CCDC148: variants seen among roughly 807,000 people sequenced by gnomAD.
CCDC148 encodes the protein coiled-coil domain-containing protein 148.
A neutral mutation model predicts 85.7 loss-of-function variants in CCDC148; 89 were observed. The ratio of observed to expected loss-of-function variants is 1.04; its 90% CI spans 0.87 to 1.24. The LOEUF (loss-of-function observed/expected upper bound fraction) is 1.24. Ranked by LOEUF, CCDC148 falls within the 50% of genes most tolerant of loss-of-function variation. The probability of loss-of-function intolerance (pLI) is 0.00; values close to 1 mark genes in which losing one functional copy is unlikely to be tolerated. For missense variants in CCDC148, 692 were observed against 671.7 expected, an observed-to-expected ratio of 1.03 and a Z score of -0.33; for synonymous variants, 230 against 213.9, an observed-to-expected ratio of 1.08 and a Z score of -0.66.
chr2:158,285,412 A>G (rs1690573267), intron 9 of CCDC148, among the ~76,000 whole-genome samples: 1 of 152,162 alleles, frequency 6.6e-6, no homozygotes, highest in Admixed American at 6.5e-5. Flanking sequence ...ATGAAATAGG[A>G]AATAGAAAAA....
At chr2:158,449,405 T>G (rs1015166832) in intron 1 of CCDC148, among the ~76,000 whole-genome samples, 1 of 151,840 alleles carries the variant, frequency 6.6e-6, no homozygotes, top group South Asian at 2.1e-4. Context: ...TATTTTATTC[T>G]CCCATCCAAG....
intron 11 of CCDC148, among the ~76,000 whole-genome samples, chr2:158,181,236 T>C (rs140765426): frequency 6.6e-6 from 1 of 152,302 alleles, no homozygotes; most frequent in Non-Finnish European, 1.5e-5. Flanking sequence ...AAAGTAATAG[T>C]TGTTACAGTC....
intron 11 of CCDC148, among the ~76,000 whole-genome samples, chr2:158,203,373 C>A (rs1380057633): frequency 6.6e-6 from 1 of 152,130 alleles, no homozygotes; most frequent in Non-Finnish European, 1.5e-5. Flanking sequence ...TATCCTTTAA[C>A]AATACTGCCA....
intron 1 of CCDC148, among the ~76,000 whole-genome samples, chr2:158,423,787 G>A (rs1411311184): frequency 2.0e-5 from 3 of 152,132 alleles, no homozygotes; most frequent in Admixed American, 6.6e-5. Context: ...GCAACCTACA[G>A]AATGGGAGAA....
At position 158,172,238 on chromosome 2, in the gene CCDC148, G is replaced by T; in HGVS notation, c.1651C>A (p.Arg551Ser). The change falls in exon 14 of 14, where the codon CGC becomes AGC. Residue 551 changes from arginine (R) to serine (S), a missense_variant. Physicochemically the swap from Arg to Ser is moderately radical, Grantham distance 110. Coordinates refer to ENST00000283233, the MANE Select transcript of CCDC148 (RefSeq NM_138803.4). ...EQQIISDPRL[R>S]FELALREAGL... ...GCTTCTCGAAGTGCTAACTCGAAGC[G>T]AAGTCTAGGGTCAGAAATTATCTGT... 2 of 1,605,048 alleles carry T rather than the reference G, an allele frequency of 1.2e-6. No individual in the cohort carries two copies. The highest frequency in any genetic ancestry group is 1.7e-6 in the Non-Finnish European group (2 of 1,175,632).
intron 1 of CCDC148, among the ~76,000 whole-genome samples, chr2:158,371,256 C>G (rs1270210720): frequency 1.3e-5 from 2 of 151,932 alleles, no homozygotes; most frequent in Non-Finnish European, 2.9e-5. Context: ...AAAAGGCAGA[C>G]TATATTAAAA....
At chr2:158,285,283 C>T (rs1393402765) in intron 9 of CCDC148, among the ~76,000 whole-genome samples, 1 of 114,674 alleles carries the variant, frequency 8.7e-6, no homozygotes, top group Admixed American at 9.2e-5. Flanking sequence ...AGTAAAACTC[C>T]ATTTCAAAAA....
chr2:158,443,515 A>AAAAAGAAAAAAAAAG (rs1553524477), intron 1 of CCDC148, among the ~76,000 whole-genome samples: 1 of 100,896 alleles, frequency 9.9e-6, no homozygotes, highest in Non-Finnish European at 2.0e-5. Context: ...AAAAAAAAAA[A>AAAAAGAAAAAAAAAG]AAAAAAAAGA....
At chr2:158,438,293 CA>C (rs1341981604) in intron 1 of CCDC148, among the ~76,000 whole-genome samples, 1 of 152,092 alleles carries the variant, frequency 6.6e-6, no homozygotes, top group Non-Finnish European at 1.5e-5. Context: ...ACCAATGGAA[CA>C]GAACAGAGCC....
At chr2:158,277,929 T>A (rs541590115) in intron 9 of CCDC148, among the ~76,000 whole-genome samples, 1 of 152,222 alleles carries the variant, frequency 6.6e-6, no homozygotes, top group African/African-American at 2.4e-5. Flanking sequence ...AGTAACATGT[T>A]CAATGTAAAC....
intron 1 of CCDC148, among the ~76,000 whole-genome samples, chr2:158,385,511 G>A (rs1226911780): frequency 4.6e-5 from 7 of 152,000 alleles, no homozygotes; most frequent in African/African-American, 1.7e-4. Flanking sequence ...CAATGCCAAG[G>A]GCATAGCAAA....
chr2:158,256,401 A>G (rs1689013338), intron 9 of CCDC148, among the ~76,000 whole-genome samples: 2 of 151,780 alleles, frequency 1.3e-5, no homozygotes, highest in African/African-American at 4.8e-5. Context: ...GAGAGATCAT[A>G]ATATATGATA....
chr2:158,183,422 G>A (rs968710551), intron 11 of CCDC148, among the ~76,000 whole-genome samples: 3 of 152,066 alleles, frequency 2.0e-5, no homozygotes, highest in African/African-American at 4.8e-5. Context: ...AGTGAGAACC[G>A]GGCAAAATGA....
chr2:158,278,187 A>G (rs2685646), intron 9 of CCDC148, among the ~76,000 whole-genome samples: 127,609 of 151,830 alleles, frequency 0.84, 54,576 homozygotes, highest in East Asian at 0.98. Flanking sequence ...TACAGCTCCC[A>G]GTGTGAGTGA....
chr2:158,246,195 G>T (rs1220221395), intron 10 of CCDC148, among the ~76,000 whole-genome samples: 3 of 152,164 alleles, frequency 2.0e-5, no homozygotes, highest in Non-Finnish European at 1.5e-5. Flanking sequence ...AAGCCAGGTA[G>T]ATGAGACAGC....
In CCDC148 at chr2:158,356,653, C is replaced by T. The variant is rs1372720411; in HGVS notation, c.147+1796G>A. Among the ~76,000 whole-genome samples the T allele has an allele frequency of 4.2e-4, 61 of 146,614 alleles. 1 individual carries two copies. In the East Asian group the frequency reaches 0.012, roughly 28 times the overall value. The stretch of plus-strand genomic sequence containing the variant: ...TGGTGGGACTGTAAACTAGTTCAAC[C>T]ATTGTGGAAGTCAGTGTGGCGATTC... On this transcript the variant is annotated intron_variant, in intron 2 of 13. Transcript: ENST00000283233.
chr2:158,360,304 A>G (rs749932279), intron 1 of CCDC148, among the ~76,000 whole-genome samples: 1 of 152,158 alleles, frequency 6.6e-6, no homozygotes, highest in Non-Finnish European at 1.5e-5. Context: ...ATCTCCAAGC[A>G]TAATGTTCGA....
At chr2:158,260,131 C>T (rs1246059544) in intron 9 of CCDC148, among the ~76,000 whole-genome samples, 3 of 151,848 alleles carry the variant, frequency 2.0e-5, no homozygotes, top group African/African-American at 7.3e-5. Context: ...CAGGGACTTG[C>T]CTTATTCACT....
intron 10 of CCDC148, among the ~76,000 whole-genome samples, chr2:158,239,949 T>A (rs1240730397): frequency 6.6e-6 from 1 of 152,076 alleles, no homozygotes; most frequent in Non-Finnish European, 1.5e-5. Flanking sequence ...AGAAAAAGAC[T>A]AATAACTAAA....
Sources: gnomAD v4.1 joint callset for allele counts (sites outside exome capture counted in the v4.1 genomes callset) on GRCh38, gnomAD v4.1.1 for gene constraint, MANE v1.5 for transcripts, NCBI Gene and HGNC (gene_info 2026-07-23, HGNC 2026-07-21) for gene names.